Variants in ADAM12 observed in about 807,000 individuals in gnomAD.
The protein encoded by ADAM12 is disintegrin and metalloproteinase domain-containing protein 12.
In ADAM12, 70 loss-of-function variants were observed where a neutral mutation model predicts 106.4. The observed-to-expected ratio is 0.66, with a 90% confidence interval of 0.54 to 0.80. ADAM12 has a LOEUF of 0.80. ADAM12 is among the 30% of genes least tolerant of loss of function. The probability of loss-of-function intolerance (pLI) is 0.00; values close to 1 mark genes in which losing one functional copy is unlikely to be tolerated. For missense variants in ADAM12, 1,010 were observed against 1,171.9 expected, an observed-to-expected ratio of 0.86 and a Z score of 2.02; for synonymous variants, 420 against 433.5, an observed-to-expected ratio of 0.97 and a Z score of 0.39.
At chr10:126,197,643 A>C (rs775340965) in intron 3 of ADAM12, among the ~76,000 whole-genome samples, 6 of 152,252 alleles carry the variant, frequency 3.9e-5, no homozygotes, top group Non-Finnish European at 8.8e-5. Context: ...ATCTGAGGAC[A>C]CAGAGGTAAG....
chr10:126,371,503 C>T (rs913921857), intron 1 of ADAM12, among the ~76,000 whole-genome samples: 8 of 152,162 alleles, frequency 5.3e-5, no homozygotes, highest in Admixed American at 2.6e-4. Flanking sequence ...CATTCACTTA[C>T]GTTTTGCTGT....
chr10:126,273,598 A>G (rs920024958), intron 3 of ADAM12, among the ~76,000 whole-genome samples: 3 of 152,182 alleles, frequency 2.0e-5, no homozygotes, highest in African/African-American at 7.2e-5. Flanking sequence ...AGAACCCTAC[A>G]GCAGCTGGAT....
chr10:126,221,712 CAG>C (rs1491336646), intron 3 of ADAM12, among the ~76,000 whole-genome samples: 1 of 152,182 alleles, frequency 6.6e-6, no homozygotes, highest in African/African-American at 2.4e-5. Context: ...AAATCTGTCA[CAG>C]GGGGCAAGAA....
chr10:126,019,249 C>A (rs1953715279), intron 22 of ADAM12, among the ~76,000 whole-genome samples: 1 of 152,184 alleles, frequency 6.6e-6, no homozygotes, highest in Admixed American at 6.5e-5. Context: ...TGCCATACTT[C>A]CTGTACAACC....
intron 2 of ADAM12, among the ~76,000 whole-genome samples, chr10:126,325,024 G>A (rs1854244824): frequency 6.6e-6 from 1 of 152,158 alleles, no homozygotes; most frequent in Non-Finnish European, 1.5e-5. Context: ...TCACAGTTGA[G>A]AGGGACATCA....
At chr10:126,120,925 T>TTATATATTATATATTACATATGTAATAA (rs1956074232) in intron 5 of ADAM12, among the ~76,000 whole-genome samples, 1 of 95,750 alleles carries the variant, frequency 1.0e-5, no homozygotes, top group Non-Finnish European at 2.0e-5. Context: ...TGCAATATAA[T>TTATATATTATATATTACATATGTAATAA]TATATATTAT....
chr10:126,161,765 G>C (rs948653492), intron 3 of ADAM12, among the ~76,000 whole-genome samples: 4 of 152,200 alleles, frequency 2.6e-5, no homozygotes, highest in Non-Finnish European at 5.9e-5. Flanking sequence ...AGAACTAAGG[G>C]GGGTGGATGG....
At chr10:126,241,699 G>A (rs1210477235) in intron 3 of ADAM12, among the ~76,000 whole-genome samples, 3 of 152,208 alleles carry the variant, frequency 2.0e-5, no homozygotes, top group Non-Finnish European at 4.4e-5. Context: ...TGAATGCTCT[G>A]CACAGTGTCC....
intron 19 of ADAM12, 122 bp from the exon 20 acceptor site, chr10:126,038,471 G>A (rs2133403492): frequency 1.4e-6 from 1 of 695,628 alleles, no homozygotes; most frequent in Non-Finnish European, 2.3e-6. Flanking sequence ...TGCTAAACAT[G>A]CAAAGGAAAA....
At chr10:126,113,729 T>TAC (rs1374593227) in intron 6 of ADAM12, among the ~76,000 whole-genome samples, 1 of 31,872 alleles carries the variant, frequency 3.1e-5, no homozygotes, top group East Asian at 1.5e-3. Context: ...TATATATATA[T>TAC]ATAATATATT....
intron 2 of ADAM12, among the ~76,000 whole-genome samples, chr10:126,291,804 G>GAA (rs1960161521): frequency 6.6e-6 from 1 of 152,124 alleles, no homozygotes; most frequent in South Asian, 2.1e-4. Flanking sequence ...GAAGGACTGG[G>GAA]GGTCATCTGG....
chr10:126,158,538 C>CA (rs1956867171), intron 3 of ADAM12, among the ~76,000 whole-genome samples: 1 of 84,178 alleles, frequency 1.2e-5, no homozygotes, highest in African/African-American at 5.1e-5. Flanking sequence ...GCACAGAGCA[C>CA]GGGGAGGATG....
intron 3 of ADAM12, among the ~76,000 whole-genome samples, chr10:126,187,878 C>T (rs987226499): frequency 4.6e-5 from 7 of 152,206 alleles, no homozygotes; most frequent in Non-Finnish European, 8.8e-5. Flanking sequence ...ACTCTGAGTA[C>T]CAGATGACGC....
At position 126,345,644 on chromosome 10, in the gene ADAM12, G is replaced by A. The variant is rs768088850; in HGVS notation, c.89-15135C>T. On this transcript the variant is annotated intron_variant, in intron 1 of 22. Coordinates refer to ENST00000448723, the MANE Select transcript of ADAM12 (RefSeq NM_001288973.2). ...TCTGGTAGAATTCGGCTGCGAATCC[G>A]TCTGGTCCTGGACTTTTTTTGGTTG... Among the ~76,000 whole-genome samples, 11 of 152,218 alleles carry A rather than the reference G, an allele frequency of 7.2e-5. No homozygotes were observed. In the South Asian group the frequency reaches 1.2e-3, roughly 17 times the overall value.
At chr10:126,239,339 A>G (rs1346570924) in intron 3 of ADAM12, among the ~76,000 whole-genome samples, 2 of 152,258 alleles carry the variant, frequency 1.3e-5, no homozygotes, top group African/African-American at 4.8e-5. Context: ...AGCATAGAAT[A>G]TCAAGAAGGC....
chr10:126,228,747 C>A (rs560574737), intron 3 of ADAM12, among the ~76,000 whole-genome samples: 2 of 152,302 alleles, frequency 1.3e-5, no homozygotes, highest in Admixed American at 1.3e-4. Context: ...TGCCCCCAAA[C>A]CATGCTCTGC....
intron 20 of ADAM12, among the ~76,000 whole-genome samples, chr10:126,036,741 G>C (rs79828319): frequency 0.033 from 5,053 of 152,246 alleles, 121 homozygotes; most frequent in Non-Finnish European, 0.051. Context: ...GGAAAGGAGA[G>C]TTGCGGCTTC....
At chr10:126,042,172 G>A (rs769084306) in intron 18 of ADAM12, 33 of 1,613,680 alleles carry the variant, frequency 2.0e-5, no homozygotes, top group East Asian at 6.7e-5. Context: ...ATGCTCCTGC[G>A]ATCCCACGGG....
intron 3 of ADAM12, among the ~76,000 whole-genome samples, chr10:126,161,317 T>G (rs1956929813): frequency 1.3e-5 from 2 of 152,172 alleles, no homozygotes; most frequent in Non-Finnish European, 2.9e-5. Context: ...TATTATTTTT[T>G]TAATCCCTAT....
Sources: gnomAD v4.1 joint callset for allele counts (sites outside exome capture counted in the v4.1 genomes callset) on GRCh38, gnomAD v4.1.1 for gene constraint, MANE v1.5 for transcripts, NCBI Gene and HGNC (gene_info 2026-07-23, HGNC 2026-07-21) for gene names.